The following CCDC170 variants were observed in gnomAD, a reference collection of about 807,000 sequenced individuals.
CCDC170 encodes the protein coiled-coil domain containing 170.
In CCDC170, 69 loss-of-function variants were observed where a neutral mutation model predicts 72.6. The ratio of observed to expected loss-of-function variants is 0.95; its 90% confidence interval spans 0.78 to 1.16. The LOEUF (loss-of-function observed/expected upper bound fraction) is 1.16. Ranked by LOEUF, CCDC170 falls within the 50% of genes most tolerant of loss-of-function variation. The pLI is 0.00. For missense variants in CCDC170, 852 were observed against 832.5 expected (o/e 1.02, Z -0.29); for synonymous variants, 300 against 303.9 (o/e 0.99, Z 0.13).
intron 7 of CCDC170, among the ~76,000 whole-genome samples, chr6:151,587,871 C>T (rs922404773): frequency 1.2e-4 from 18 of 152,100 alleles, no homozygotes; most frequent in Admixed American, 2.0e-4. Context: ...GGTAAGTGAG[C>T]CATCTTCACA....
At position 151,538,055 on chromosome 6, in the gene CCDC170, T is replaced by G. The variant is rs748562053; in HGVS notation, c.197T>G (p.Leu66Arg). 1 of 1,609,760 alleles carries G rather than the reference T, an allele frequency of 6.2e-7. No individual in the cohort carries two copies. Among genetic ancestry groups the G allele is most frequent in the African/African-American group, 1.3e-5 (1 of 74,766 alleles). ...TCTTTTCCATGTTAGCTTCAAGACC[T>G]CCGATCCAAGATGCTTTCTAAAGAA... ...FECAQSELQD[L>R]RSKMLSKEVS... Residue 66 changes from leucine (L) to arginine (R), a missense_variant, in exon 3 of 11, where the codon CTC (leucine) becomes CGC (arginine). Coordinates refer to ENST00000239374, the MANE Select transcript of CCDC170 (RefSeq NM_025059.4).
At chr6:151,563,117 C>T (rs4425604) in intron 5 of CCDC170, among the ~76,000 whole-genome samples, 11,820 of 152,128 alleles carry the variant, frequency 0.078, 558 homozygotes, top group Non-Finnish European at 0.11. Flanking sequence ...CTTCCTTTTC[C>T]GGGATGGTGC....
chr6:151,514,370 AGGG>A (rs1782202187), intron 1 of CCDC170, among the ~76,000 whole-genome samples: 1 of 85,704 alleles, frequency 1.2e-5, no homozygotes, highest in African/African-American at 5.1e-5. Flanking sequence ...GGAGGGAGGG[AGGG>A]AGGAAGGAAG....
intron 4 of CCDC170, among the ~76,000 whole-genome samples, chr6:151,546,804 G>T (rs930775573): frequency 1.2e-4 from 18 of 152,112 alleles, no homozygotes; most frequent in African/African-American, 4.1e-4. Flanking sequence ...CTTCCCCATT[G>T]CCCTGTGTAG....
chr6:151,525,033 C>G (rs1036491703), intron 1 of CCDC170, among the ~76,000 whole-genome samples: 2 of 148,680 alleles, frequency 1.3e-5, no homozygotes, highest in African/African-American at 5.0e-5. Flanking sequence ...CCCAGGTTCA[C>G]GCCATTCTCC....
intron 1 of CCDC170, among the ~76,000 whole-genome samples, chr6:151,506,686 T>C (rs576890388): frequency 6.6e-6 from 1 of 152,336 alleles, no homozygotes; most frequent in East Asian, 1.9e-4. Context: ...TGATGGTTCA[T>C]TTTATGTATT....
chr6:151,596,389 C>A lies in CCDC170; in HGVS notation c.1522C>A (p.Arg508=). The change falls in exon 9 of 11, where the codon CGG becomes AGG. Residue 508 remains arginine (R), a synonymous_variant. Coordinates refer to ENST00000239374, the MANE Select transcript of CCDC170 (RefSeq NM_025059.4). ...ESKELHMSLL[R]QKIAQLEEEK... ...CAAAGAATTACACATGAGCCTCCTC[C>A]GGCAGAAAATAGCCCAGCTGGAGGA... 5 of 1,614,024 alleles carry A rather than the reference C, an allele frequency of 3.1e-6. No individual in the cohort carries two copies. The highest frequency in any genetic ancestry group is 4.2e-6 in the Non-Finnish European group (5 of 1,180,002).
At chr6:151,534,466 A>T (rs767447657) in intron 1 of CCDC170, among the ~76,000 whole-genome samples, 1 of 152,196 alleles carries the variant, frequency 6.6e-6, no homozygotes, top group Non-Finnish European at 1.5e-5. Context: ...ATGGTATGCC[A>T]TACATACTAT....
intron 9 of CCDC170, among the ~76,000 whole-genome samples, chr6:151,611,892 A>G (rs575902870): frequency 2.3e-4 from 35 of 151,688 alleles, no homozygotes; most frequent in Non-Finnish European, 4.6e-4. Flanking sequence ...TGCATTTTTA[A>G]TAGAGATGGG....
intron 6 of CCDC170, among the ~76,000 whole-genome samples, chr6:151,578,693 A>G (rs1776337877): frequency 6.6e-6 from 1 of 152,332 alleles, no homozygotes; most frequent in East Asian, 1.9e-4. Context: ...AGAGTTAGCC[A>G]GTCAACAGTG....
intron 1 of CCDC170, among the ~76,000 whole-genome samples, chr6:151,508,110 G>T (rs909778661): frequency 9.9e-5 from 15 of 152,146 alleles, no homozygotes; most frequent in Admixed American, 9.8e-4. Flanking sequence ...ACAGTTTTGT[G>T]GCACTAGAGC....
chr6:151,497,206 A>G (rs1017897323), intron 1 of CCDC170, among the ~76,000 whole-genome samples: 4 of 152,184 alleles, frequency 2.6e-5, no homozygotes, highest in Non-Finnish European at 5.9e-5. Flanking sequence ...ACTGGGCAAC[A>G]TGGCAAAACC....
chr6:151,615,764 T>C, intron 10 of CCDC170, 85 bp downstream of exon 10: 1 of 1,025,342 alleles, frequency 9.8e-7, no homozygotes, highest in South Asian at 1.5e-5. Context: ...TTCATGCATT[T>C]CTTTTTAAAA....
intron 4 of CCDC170, among the ~76,000 whole-genome samples, chr6:151,547,706 T>A (rs796785721): frequency 2.0e-5 from 3 of 152,308 alleles, no homozygotes; most frequent in African/African-American, 7.2e-5. Flanking sequence ...GCTCGTTCCC[T>A]GAGGTCAAGG....
intron 1 of CCDC170, among the ~76,000 whole-genome samples, chr6:151,512,955 G>A (rs574961853): frequency 8.7e-4 from 132 of 152,264 alleles, no homozygotes; most frequent in African/African-American, 3.1e-3. Flanking sequence ...ATAATTGGTG[G>A]GAGTGTAAGT....
chr6:151,578,205 C>T (rs1017897964), intron 6 of CCDC170, among the ~76,000 whole-genome samples: 3 of 152,244 alleles, frequency 2.0e-5, no homozygotes, highest in African/African-American at 7.2e-5. Flanking sequence ...TTTCCAGCCT[C>T]TCCAGTTATA....
At chr6:151,509,015 CA>C (rs35476180) in intron 1 of CCDC170, among the ~76,000 whole-genome samples, 59,598 of 126,488 alleles carry the variant, frequency 0.47, 14,688 homozygotes, top group Non-Finnish European at 0.6. Flanking sequence ...AACTCCTTCT[CA>C]AAAAAAAAAA....
Position 151,494,040 on chromosome 6 carries a change from G to C in CCDC170, c.-89G>C. ...CCGCGGTGTTTACCCGTTGCCCGAG[G>C]AGACACCCGCGCCACCCGCCGGCTC... is the stretch of plus-strand genomic sequence containing the variant. On this transcript the variant is annotated 5_prime_UTR_variant, in exon 1 of 11. Coordinates refer to ENST00000239374, the MANE Select transcript of CCDC170 (RefSeq NM_025059.4). 7.7e-7 allele frequency: 1 copy of C among 1,294,130 alleles called. No individual in the cohort carries two copies. Among genetic ancestry groups the C allele is most frequent in the Non-Finnish European group, 1.0e-6 (1 of 993,498 alleles). The allele number at this position is 1,294,130 out of a possible 1,614,324, so 80.2% of individuals were successfully genotyped here.
chr6:151,616,974 T>A (rs565129713), intron 10 of CCDC170, among the ~76,000 whole-genome samples: 5 of 152,102 alleles, frequency 3.3e-5, no homozygotes, highest in Non-Finnish European at 7.4e-5. Flanking sequence ...TTTTGAGGGG[T>A]CATAAAATTC....
Sources: gnomAD v4.1 joint callset for allele counts (sites outside exome capture counted in the v4.1 genomes callset) on GRCh38, gnomAD v4.1.1 for gene constraint, MANE v1.5 for transcripts, NCBI Gene and HGNC (gene_info 2026-07-23, HGNC 2026-07-21) for gene names.